Variants in CSMD1 observed in about 807,000 individuals in gnomAD.
CSMD1 encodes CUB and sushi domain-containing protein 1.
CSMD1 carries 213 observed loss-of-function variants against 417.5 expected under a neutral mutation model. The ratio of observed to expected loss-of-function variants is 0.51; its 90% CI spans 0.46 to 0.57. The LOEUF is 0.57. Ranked by LOEUF, CSMD1 falls within the 20% of genes least tolerant of loss-of-function variation. The pLI, the probability that CSMD1 is intolerant of heterozygous loss-of-function variation, is 0.00. For synonymous variants in CSMD1, 2,862 were observed against 1,736.8 expected (o/e 1.65, Z -16.11); for missense variants, 6,923 against 4,529.7 (o/e 1.53, Z -15.17).
At chr8:2,948,659 A>G (rs1405335529) in intron 68 of CSMD1, among the ~76,000 whole-genome samples, 4 of 152,132 alleles carry the variant, frequency 2.6e-5, no homozygotes, top group African/African-American at 9.7e-5. Flanking sequence ...GTTATTTCTA[A>G]GTTCCACTAC....
chr8:4,141,213 T>G (rs1803770358), intron 3 of CSMD1, among the ~76,000 whole-genome samples: 1 of 151,172 alleles, frequency 6.6e-6, no homozygotes, highest in Non-Finnish European at 1.5e-5. Flanking sequence ...TCAGAAAGAC[T>G]GGAAACCTTC....
At chr8:4,114,157 A>C (rs1802009708) in intron 3 of CSMD1, among the ~76,000 whole-genome samples, 1 of 152,164 alleles carries the variant, frequency 6.6e-6, no homozygotes, top group African/African-American at 2.4e-5. Flanking sequence ...TGGCTTAAAA[A>C]CTTCAAAGGA....
chr8:4,720,959 C>A (rs982893169), intron 1 of CSMD1, among the ~76,000 whole-genome samples: 6 of 152,036 alleles, frequency 3.9e-5, no homozygotes, highest in African/African-American at 1.2e-4. Flanking sequence ...TTAAGCTTGC[C>A]CTGCCTACTT....
chr8:3,855,610 G>A (rs1020057871), intron 5 of CSMD1, among the ~76,000 whole-genome samples: 5 of 152,128 alleles, frequency 3.3e-5, no homozygotes, highest in Non-Finnish European at 7.4e-5. Context: ...GACTGAGTAT[G>A]CTAATTCCTA....
chr8:4,200,356 C>T lies in CSMD1; in HGVS notation c.416-168257G>A, dbSNP rs987513616. ...TGTGTTTAGAGTCTGCTTAGCAAAG[C>T]ATGATTTTTTAAAAGAAATACAACT... On this transcript the variant is annotated intron_variant, in intron 3 of 69. Transcript: ENST00000635120. Among the ~76,000 whole-genome samples, 5 of 152,052 alleles carry T rather than the reference C, an allele frequency of 3.3e-5. No individual in the cohort carries two copies. In the East Asian group the frequency reaches 5.8e-4, roughly 18 times the overall value.
intron 37 of CSMD1, 82 bp downstream of exon 37, chr8:3,181,028 A>T: frequency 1.2e-6 from 1 of 833,502 alleles, no homozygotes; most frequent in Non-Finnish European, 2.0e-6. Context: ...TTCACTGTTT[A>T]ATAAGAGCAT....
chr8:3,445,225 T>G (rs1815223710), intron 12 of CSMD1, among the ~76,000 whole-genome samples: 1 of 152,216 alleles, frequency 6.6e-6, no homozygotes, highest in Non-Finnish European at 1.5e-5. Flanking sequence ...GGAAGCCATT[T>G]TCAGTAGTCT....
At chr8:4,477,355 G>A (rs1451265942) in intron 2 of CSMD1, among the ~76,000 whole-genome samples, 2 of 152,172 alleles carry the variant, frequency 1.3e-5, no homozygotes, top group African/African-American at 4.8e-5. Flanking sequence ...CATGGCAGCC[G>A]AGGGGCTCTC....
chr8:3,808,279 T>A (rs1039025615), intron 5 of CSMD1, among the ~76,000 whole-genome samples: 3 of 152,184 alleles, frequency 2.0e-5, no homozygotes, highest in Non-Finnish European at 4.4e-5. Flanking sequence ...TATAAAGATT[T>A]TTTTCATTGT....
intron 52 of CSMD1, among the ~76,000 whole-genome samples, chr8:3,010,836 C>CG (rs956085563): frequency 3.2e-4 from 48 of 151,760 alleles, no homozygotes; most frequent in African/African-American, 1.2e-3. Context: ...CTCCACCTCC[C>CG]GGGTTCACGC....
intron 26 of CSMD1, among the ~76,000 whole-genome samples, chr8:3,283,420 G>A (rs1802888746): frequency 6.6e-6 from 1 of 152,078 alleles, no homozygotes; most frequent in East Asian, 1.9e-4. Context: ...CTGACTAATT[G>A]AAACCTTTAA....
chr8:4,201,540 CAAAAAAAAAAAAAAAAAAAA>C (rs1157479482), intron 3 of CSMD1, among the ~76,000 whole-genome samples: 1 of 59,030 alleles, frequency 1.7e-5, no homozygotes, highest in African/African-American at 7.2e-5. Context: ...TCTGTCTCCA[CAAAAAAAAAAAAAAAAAAAA>C]AAAAAAAAAA....
chr8:4,526,817 T>C (rs1308343112), intron 2 of CSMD1, among the ~76,000 whole-genome samples: 1 of 152,186 alleles, frequency 6.6e-6, no homozygotes, highest in African/African-American at 2.4e-5. Context: ...CCCTGGAGAA[T>C]AAATTTAATC....
intron 5 of CSMD1, among the ~76,000 whole-genome samples, chr8:3,843,420 G>A (rs969792136): frequency 1.3e-5 from 2 of 152,004 alleles, no homozygotes; most frequent in Non-Finnish European, 2.9e-5. Flanking sequence ...AGTCAAAGTT[G>A]GTTTCAGAGT....
chr8:3,731,585 G>C (rs372279436), intron 6 of CSMD1, among the ~76,000 whole-genome samples: 2 of 152,148 alleles, frequency 1.3e-5, no homozygotes, highest in African/African-American at 4.8e-5. Flanking sequence ...ATAGGTTTTT[G>C]AAAGTGATAT....
rs117296870 is a variant in CSMD1, at chr8:4,406,110, C to T, written c.415+13843G>A. On this transcript the variant is annotated intron_variant, in intron 3 of 69. Coordinates refer to ENST00000635120, the MANE Select transcript of CSMD1 (RefSeq NM_033225.6). ...ATGACAGCACTAATTCATTTCACAG[C>T]GGAACCAAACAGCTGTCAGATGGCA... 4.4e-4 allele frequency among the ~76,000 whole-genome samples: 67 copies of T among 152,236 alleles called. No homozygotes were observed. In the East Asian group the frequency reaches 5.6e-3, roughly 13 times the overall value.
At chr8:3,313,724 G>C (rs892910902) in intron 23 of CSMD1, among the ~76,000 whole-genome samples, 2 of 152,120 alleles carry the variant, frequency 1.3e-5, no homozygotes, top group Admixed American at 6.5e-5. Flanking sequence ...ATTCCTCAGG[G>C]ATCTAGAACT....
intron 2 of CSMD1, among the ~76,000 whole-genome samples, chr8:4,491,139 A>C (rs1372606615): frequency 6.6e-6 from 1 of 152,152 alleles, no homozygotes; most frequent in Non-Finnish European, 1.5e-5. Context: ...CTCTACAACA[A>C]ACCCCCAAGA....
intron 25 of CSMD1, among the ~76,000 whole-genome samples, chr8:3,286,136 T>C (rs1039231038): frequency 1.3e-5 from 2 of 152,150 alleles, no homozygotes; most frequent in Non-Finnish European, 2.9e-5. Flanking sequence ...TTCATCCATG[T>C]CCCTACAAAG....
Sources: allele counts gnomAD v4.1 joint callset (sites outside exome capture counted in the v4.1 genomes callset), GRCh38; gene constraint gnomAD v4.1.1; transcripts MANE v1.5; gene names NCBI Gene and HGNC (gene_info 2026-07-23, HGNC 2026-07-21).